The following ZFAT variants were observed in gnomAD, a reference collection of about 807,000 sequenced individuals.
ZFAT encodes the protein zinc finger protein ZFAT.
A neutral mutation model predicts 117.7 loss-of-function variants in ZFAT; 64 were observed. The ratio of observed to expected loss-of-function variants is 0.54; its 90% CI spans 0.44 to 0.67. The LOEUF (loss-of-function observed/expected upper bound fraction) is 0.67. ZFAT is among the 30% of genes least tolerant of loss of function. The pLI is 0.00. For missense variants in ZFAT, 1,433 were observed against 1,584.5 expected (o/e 0.90, Z 1.62); for synonymous variants, 679 against 615.0 (o/e 1.10, Z -1.54).
intron 7 of ZFAT, among the ~76,000 whole-genome samples, chr8:134,591,508 T>C (rs921367651): frequency 2.6e-5 from 4 of 152,230 alleles, no homozygotes; most frequent in Non-Finnish European, 5.9e-5. Flanking sequence ...TCTTTTCCCC[T>C]AGAGTGGGTG....
At chr8:134,691,422 C>G (rs1833581287) in intron 1 of ZFAT, among the ~76,000 whole-genome samples, 1 of 152,212 alleles carries the variant, frequency 6.6e-6, no homozygotes, top group African/African-American at 2.4e-5. Context: ...CCCAAGCCAC[C>G]TGTAGCAGGT....
intron 3 of ZFAT, among the ~76,000 whole-genome samples, chr8:134,614,347 GCA>G (rs1220110170): frequency 2.6e-5 from 4 of 152,108 alleles, no homozygotes; most frequent in Non-Finnish European, 5.9e-5. Context: ...CTGGACCTTG[GCA>G]CACAGACATG....
rs199902439 is a variant in ZFAT at position 134,590,461 on chromosome 8, CA to C, written c.2476-107del. On this transcript the variant is annotated intron_variant, in intron 7 of 15. Transcript: ENST00000377838. ...CATCACCCACCACCACCACCACTACCACTCACGCTATCAACAGTCATCACCA... is the reference window on the plus strand; with the variant it reads ...CATCACCCACCACCACCACCACTACCCTCACGCTATCAACAGTCATCACCA... The C allele has an allele frequency of 3.4e-3, 2,739 of 796,108 alleles. 46 individuals carry two copies. In the African/African-American group the frequency reaches 0.041, roughly 12 times the overall value. The allele number at this position is 796,108 out of a possible 1,614,324, so 49.3% of individuals were successfully genotyped here. A position where few individuals can be genotyped will look rare whatever the true frequency, so the allele number is the denominator to read the frequency against.
chr8:134,759,056 C>A, the ZFAT span, among the ~76,000 whole-genome samples: 1 of 152,138 alleles, frequency 6.6e-6, no homozygotes, highest in Non-Finnish European at 1.5e-5. Context: ...ACAGCATTGT[C>A]TATCAAAACT....
chr8:134,724,587 G>C, the ZFAT span, among the ~76,000 whole-genome samples: 1 of 151,950 alleles, frequency 6.6e-6, no homozygotes, highest in Non-Finnish European at 1.5e-5. Context: ...ATGTATATGG[G>C]TTGAACAGCA....
chr8:134,583,797 T>C, intron 10 of ZFAT, 35 bp downstream of exon 10: 1 of 1,608,412 alleles, frequency 6.2e-7, no homozygotes, highest in Non-Finnish European at 8.5e-7. Context: ...ACCACACATT[T>C]AGAGGGGAAA....
At chr8:134,731,825 G>A in the ZFAT span, among the ~76,000 whole-genome samples, 3 of 152,192 alleles carry the variant, frequency 2.0e-5, no homozygotes, top group African/African-American at 7.2e-5. Context: ...TCAGGCCTCT[G>A]GCTCCCAGAA....
At chr8:134,603,421 C>A (rs1827661066) in intron 5 of ZFAT, among the ~76,000 whole-genome samples, 1 of 152,166 alleles carries the variant, frequency 6.6e-6, no homozygotes, top group Non-Finnish European at 1.5e-5. Flanking sequence ...CAGGACTAGT[C>A]TTAATGGAAT....
the ZFAT span, among the ~76,000 whole-genome samples, chr8:134,721,238 G>T: frequency 4.3e-3 from 650 of 152,318 alleles, 5 homozygotes; most frequent in African/African-American, 0.015. Context: ...CGGGCCGCAT[G>T]TCCCAGGGTT....
intron 4 of ZFAT, 63 bp downstream of exon 4, chr8:134,610,407 G>A (rs1828242152): frequency 2.0e-6 from 3 of 1,519,102 alleles, no homozygotes; most frequent in Admixed American, 2.2e-5. Context: ...TGTGACATCA[G>A]GCTGCCCTTG....
At chr8:134,696,203 C>T (rs554412377) in intron 1 of ZFAT, among the ~76,000 whole-genome samples, 1 of 152,286 alleles carries the variant, frequency 6.6e-6, no homozygotes, top group South Asian at 2.1e-4. Context: ...AAGGAGGTGC[C>T]ACCGCCAGGC....
intron 12 of ZFAT, among the ~76,000 whole-genome samples, chr8:134,522,262 G>A (rs1820720398): frequency 6.6e-6 from 1 of 152,194 alleles, no homozygotes; most frequent in South Asian, 2.1e-4. Flanking sequence ...GCTACCCACA[G>A]TGCCAGATCC....
At chr8:134,823,120 A>T in the ZFAT span, among the ~76,000 whole-genome samples, 2 of 152,148 alleles carry the variant, frequency 1.3e-5, no homozygotes, top group African/African-American at 4.8e-5. Flanking sequence ...GAACTCAATG[A>T]TAAGCTCAGA....
chr8:134,644,549 T>G (rs567560130), intron 2 of ZFAT, among the ~76,000 whole-genome samples: 2 of 151,340 alleles, frequency 1.3e-5, no homozygotes, highest in East Asian at 3.9e-4. Context: ...CACACACACA[T>G]GCACACTCAC....
chr8:134,532,912 A>G lies in ZFAT; in HGVS notation c.3037T>C (p.Tyr1013His). The G allele has an allele frequency of 6.2e-7, 1 of 1,609,728 alleles. No individual in the cohort carries two copies. Among genetic ancestry groups the G allele is most frequent in the Non-Finnish European group, 8.5e-7 (1 of 1,178,084 alleles). The change falls in exon 12 of 16, where the codon TAC becomes CAC. Residue 1013 changes from tyrosine to histidine, a missense_variant. By Grantham distance (83) the Tyr-to-His change is moderately conservative. Coordinates refer to ENST00000377838, the MANE Select transcript of ZFAT (RefSeq NM_020863.4). ...CNISGSLKRHYNRKHPNEEYA... is the reference protein window; with the variant it reads ...CNISGSLKRHHNRKHPNEEYA... ...TCCTCATTAGGGTGCTTCCTGTTGT[A>G]GTGCCGCTTCAGAGAGCCAGATATG... is the stretch of plus-strand genomic sequence containing the variant.
At chr8:134,589,759 AG>A (rs1406488392) in intron 8 of ZFAT, among the ~76,000 whole-genome samples, 1 of 152,262 alleles carries the variant, frequency 6.6e-6, no homozygotes, top group Non-Finnish European at 1.5e-5. Flanking sequence ...TTAACCAGGT[AG>A]GGCAGAAGGG....
At chr8:134,522,916 A>G (rs1180925038) in intron 12 of ZFAT, among the ~76,000 whole-genome samples, 1 of 152,182 alleles carries the variant, frequency 6.6e-6, no homozygotes, top group Non-Finnish European at 1.5e-5. Context: ...AATATCAGGT[A>G]AGAACTTTCC....
chr8:134,812,995 C>A, the ZFAT span, among the ~76,000 whole-genome samples: 1 of 152,176 alleles, frequency 6.6e-6, no homozygotes, highest in East Asian at 1.9e-4. Flanking sequence ...CTGTGCTGTA[C>A]TGTCTGTGCT....
chr8:134,630,389 A>C (rs1545240), intron 3 of ZFAT, among the ~76,000 whole-genome samples: 115,198 of 152,236 alleles, frequency 0.76, 43,884 homozygotes, highest in East Asian at 0.91. Context: ...TCACTCAAAA[A>C]CATTTTCAGT....
Sources: gnomAD v4.1 joint callset for allele counts (sites outside exome capture counted in the v4.1 genomes callset) on GRCh38, gnomAD v4.1.1 for gene constraint, MANE v1.5 for transcripts, NCBI Gene and HGNC (gene_info 2026-07-23, HGNC 2026-07-21) for gene names.